The following EYA1 variants were observed in gnomAD, a reference collection of about 807,000 sequenced individuals.
EYA1 encodes the protein protein phosphatase EYA1.
In EYA1, 16 loss-of-function variants were observed where a neutral mutation model predicts 82.0. The observed-to-expected ratio is 0.20, with a 90% confidence interval of 0.13 to 0.30. The LOEUF is 0.30. Ranked by LOEUF, EYA1 falls within the 10% of genes least tolerant of loss-of-function variation. The pLI is 1.00. For synonymous variants in EYA1, 261 were observed against 264.4 expected (o/e 0.99, Z 0.12); for missense variants, 633 against 730.7 (o/e 0.87, Z 1.54).
At chr8:71,371,669 G>A (rs1282625492) in intron 2 of EYA1, among the ~76,000 whole-genome samples, 1 of 152,096 alleles carries the variant, frequency 6.6e-6, no homozygotes, top group Non-Finnish European at 1.5e-5. Flanking sequence ...AAAGCAACTT[G>A]CAGGAAACAG....
chr8:71,381,051 A>C lies in EYA1; in HGVS notation c.34-24540T>G, dbSNP rs1467625414. The stretch of plus-strand genomic sequence containing the variant: ...GTCTTAAAACCCTTCAACAGTTCAC[A>C]AGACCCCATTATCAAAGAAAATCAA... On this transcript the variant is annotated intron_variant, in intron 2 of 18. Coordinates refer to the EYA1 transcript ENST00000643681. Among the ~76,000 whole-genome samples, 4 of 152,228 alleles carry C rather than the reference A, an allele frequency of 2.6e-5. No individual in the cohort carries two copies. In the East Asian group the frequency reaches 5.8e-4, roughly 22 times the overall value.
chr8:71,358,744 T>A (rs2129074827), intron 1 of EYA1, among the ~76,000 whole-genome samples: 1 of 152,300 alleles, frequency 6.6e-6, no homozygotes, highest in African/African-American at 2.4e-5. Context: ...GAACACCTAT[T>A]TCTGATTGCT....
chr8:71,466,865 T>C (rs1360304660), intron 2 of EYA1, among the ~76,000 whole-genome samples: 1 of 152,112 alleles, frequency 6.6e-6, no homozygotes, highest in Non-Finnish European at 1.5e-5. Flanking sequence ...CTCTGTCTCT[T>C]CTTCTTACCA....
chr8:71,426,142 C>T (rs1586694762), intron 2 of EYA1, among the ~76,000 whole-genome samples: 1 of 152,262 alleles, frequency 6.6e-6, no homozygotes, highest in East Asian at 1.9e-4. Context: ...ATGGCCTAAA[C>T]TAATTGTTGT....
At chr8:71,524,014 A>G (rs1344185519) in intron 2 of EYA1, among the ~76,000 whole-genome samples, 1 of 152,220 alleles carries the variant, frequency 6.6e-6, no homozygotes, top group Non-Finnish European at 1.5e-5. Flanking sequence ...GCTAATTCTA[A>G]TGTGTAATGT....
chr8:71,232,997 G>T lies in EYA1; in HGVS notation c.1140+11606C>A, dbSNP rs562662116. On this transcript the variant is annotated intron_variant, in intron 12 of 17. Transcript: ENST00000340726. The stretch of plus-strand genomic sequence containing the variant: ...ATATCATCATCCAGTTTTACAGATG[G>T]GAAATTGAGGCATAAAGGGGGCCCT... 3.3e-5 allele frequency among the ~76,000 whole-genome samples: 5 copies of T among 152,270 alleles called. No individual in the cohort carries two copies. In the East Asian group the frequency reaches 7.7e-4, roughly 24 times the overall value.
chr8:71,239,145 T>C (rs1245325992), intron 12 of EYA1, among the ~76,000 whole-genome samples: 1 of 152,170 alleles, frequency 6.6e-6, no homozygotes, highest in Non-Finnish European at 1.5e-5. Flanking sequence ...TCATTAGTAA[T>C]AATAAAATAT....
chr8:71,208,093 T>G (rs1419728029), intron 17 of EYA1, among the ~76,000 whole-genome samples: 3 of 152,218 alleles, frequency 2.0e-5, no homozygotes, highest in Non-Finnish European at 4.4e-5. Flanking sequence ...AGGAACTGTC[T>G]ATAGATTTAA....
chr8:71,248,489 C>T (rs1813369653), intron 11 of EYA1, among the ~76,000 whole-genome samples: 1 of 152,172 alleles, frequency 6.6e-6, no homozygotes, highest in African/African-American at 2.4e-5. Flanking sequence ...ATTTCACAGC[C>T]CTGTCTCAAT....
chr8:71,514,625 GAAACCCCAAT>G (rs1010468544), intron 2 of EYA1, among the ~76,000 whole-genome samples: 2 of 152,222 alleles, frequency 1.3e-5, no homozygotes, highest in Non-Finnish European at 2.9e-5. Flanking sequence ...AGCCAAAGCA[GAAACCCCAAT>G]AAACCCACCA....
At chr8:71,271,234 C>T (rs140133087) in intron 10 of EYA1, among the ~76,000 whole-genome samples, 1,613 of 152,316 alleles carry the variant, frequency 0.011, 17 homozygotes, top group South Asian at 0.027. Flanking sequence ...ATAAGCACAT[C>T]ATGGAGAATG....
intron 12 of EYA1, among the ~76,000 whole-genome samples, chr8:71,227,621 G>A (rs559380943): frequency 4.6e-5 from 7 of 152,068 alleles, no homozygotes; most frequent in Middle Eastern, 3.4e-3. Context: ...TATTTGTTTC[G>A]CTCATATAAA....
At chr8:71,390,793 C>G (rs1199526304) in intron 2 of EYA1, among the ~76,000 whole-genome samples, 1 of 151,808 alleles carries the variant, frequency 6.6e-6, no homozygotes, top group Non-Finnish European at 1.5e-5. Flanking sequence ...TGAAACTGTC[C>G]CATAGGTCCC....
intron 2 of EYA1, among the ~76,000 whole-genome samples, chr8:71,521,449 T>C (rs1276913210): frequency 6.6e-6 from 1 of 152,162 alleles, no homozygotes; most frequent in Non-Finnish European, 1.5e-5. Context: ...CAAATTTTGT[T>C]ATATTTTGAT....
chr8:71,357,881 C>T (rs1038812670), intron 1 of EYA1, among the ~76,000 whole-genome samples: 2 of 152,160 alleles, frequency 1.3e-5, no homozygotes, highest in East Asian at 1.9e-4. Flanking sequence ...CAACCTTCTG[C>T]GATTTTTGTT....
Position 71,344,599 on chromosome 8 carries a change from T to C in EYA1, c.124+10183A>G, listed in dbSNP as rs571291838. Among the ~76,000 whole-genome samples the C allele has an allele frequency of 7.1e-4, 108 of 152,336 alleles. 1 individual carries two copies. Among genetic ancestry groups the C allele is most frequent in the Middle Eastern group, 3.4e-3 (1 of 294 alleles). On this transcript the variant is annotated intron_variant, in intron 3 of 17. Transcript: ENST00000340726. ...GTTTCTTTAATTGCCATATCTTTTGTAAATCAGCCAAAAAGCCCAGTGTTT... is the reference window on the plus strand; with the variant it reads ...GTTTCTTTAATTGCCATATCTTTTGCAAATCAGCCAAAAAGCCCAGTGTTT...
chr8:71,347,312 T>TTTTATTTATTTATTTA lies in EYA1; in HGVS notation c.124+7454_124+7469dup, dbSNP rs151215046. Among the ~76,000 whole-genome samples the TTTTATTTATTTATTTA allele has an allele frequency of 4.6e-3, 696 of 151,806 alleles. 5 individuals carry two copies. The highest frequency in any genetic ancestry group is 0.015 in the African/African-American group (629 of 41,418). On this transcript the variant is annotated intron_variant, in intron 3 of 17. Transcript: ENST00000340726. Reference sequence around the variant, plus strand: ...TGCCTAAAAGTTACCCTAAAGATTGTTTTATTTATTTATTTATTTATTTAT... The same window carrying TTTTATTTATTTATTTA: ...TGCCTAAAAGTTACCCTAAAGATTGTTTTATTTATTTATTTATTTATTTATTTATTTATTTATTTAT...
At chr8:71,350,749 C>T (rs1826223472) in intron 3 of EYA1, among the ~76,000 whole-genome samples, 1 of 152,096 alleles carries the variant, frequency 6.6e-6, no homozygotes, top group African/African-American at 2.4e-5. Context: ...CTTCCTCACT[C>T]CTTACTCCAA....
chr8:71,307,633 G>T (rs1391729660), intron 7 of EYA1, among the ~76,000 whole-genome samples: 4 of 152,128 alleles, frequency 2.6e-5, no homozygotes, highest in Non-Finnish European at 1.5e-5. Context: ...AAATAATCCA[G>T]CAGACTTTAA....
Sources: gnomAD v4.1 joint callset for allele counts (sites outside exome capture counted in the v4.1 genomes callset) on GRCh38, gnomAD v4.1.1 for gene constraint, MANE v1.5 for transcripts, NCBI Gene and HGNC (gene_info 2026-07-23, HGNC 2026-07-21) for gene names.